PPM1H: variants seen among roughly 807,000 people sequenced by gnomAD.
PPM1H encodes the protein protein phosphatase 1H.
Under a neutral mutation model 54.9 loss-of-function variants are expected in PPM1H, and 27 were observed. The ratio of observed to expected loss-of-function variants is 0.49; its 90% CI spans 0.36 to 0.68. The LOEUF is 0.68. Among genes scored for constraint, PPM1H ranks in the 30% least tolerant of loss-of-function variants. PPM1H has a pLI of 0.00. For synonymous variants in PPM1H, 305 were observed against 270.8 expected (o/e 1.13, Z -1.24); for missense variants, 596 against 667.8 (o/e 0.89, Z 1.19).
chr12:62,865,592 G>T (rs1032233684), intron 1 of PPM1H, among the ~76,000 whole-genome samples: 5 of 152,098 alleles, frequency 3.3e-5, no homozygotes, highest in African/African-American at 9.7e-5. Flanking sequence ...CGTCTCCCGG[G>T]CTCAAGCTAT....
chr12:62,817,060 G>A (rs79867674), intron 2 of PPM1H, among the ~76,000 whole-genome samples: 7,094 of 133,534 alleles, frequency 0.053, 625 homozygotes, highest in African/African-American at 0.19. Flanking sequence ...TTAATCACTG[G>A]CAAGAGTTCT....
chr12:62,820,042 G>C (rs1017610798), intron 2 of PPM1H, among the ~76,000 whole-genome samples: 1 of 152,238 alleles, frequency 6.6e-6, no homozygotes, highest in Non-Finnish European at 1.5e-5. Flanking sequence ...ATGGCAGATT[G>C]TACCTGGAAA....
At chr12:62,926,212 G>A (rs1320475312) in intron 1 of PPM1H, among the ~76,000 whole-genome samples, 1 of 152,216 alleles carries the variant, frequency 6.6e-6, no homozygotes, top group Non-Finnish European at 1.5e-5. Context: ...AAGACTGAAA[G>A]AATGGCCACT....
intron 4 of PPM1H, among the ~76,000 whole-genome samples, chr12:62,748,313 C>T (rs1483851055): frequency 1.3e-5 from 2 of 152,094 alleles, no homozygotes; most frequent in African/African-American, 2.4e-5. Context: ...ATCTGAAGTC[C>T]AATTCCAAAC....
At chr12:62,799,273 A>G (rs1217594519) in intron 3 of PPM1H, among the ~76,000 whole-genome samples, 1 of 152,216 alleles carries the variant, frequency 6.6e-6, no homozygotes, top group African/African-American at 2.4e-5. Context: ...AATGGGCAGG[A>G]ACAGCCTGAG....
At chr12:62,916,698 T>G (rs1871635052) in intron 1 of PPM1H, among the ~76,000 whole-genome samples, 1 of 152,126 alleles carries the variant, frequency 6.6e-6, no homozygotes, top group Admixed American at 6.5e-5. Context: ...AGAAGAACTC[T>G]ACTATAGAAA....
chr12:62,667,775 C>T (rs2075928302), intron 8 of PPM1H, among the ~76,000 whole-genome samples: 1 of 152,210 alleles, frequency 6.6e-6, no homozygotes, highest in East Asian at 1.9e-4. Context: ...GATTTTTCTG[C>T]TTCAGAGGAG....
intron 9 of PPM1H, chr12:62,659,096 A>C: frequency 6.8e-6 from 5 of 731,088 alleles, no homozygotes; most frequent in South Asian, 5.4e-5. Flanking sequence ...CATGCAACAA[A>C]TCTTACTGTG....
intron 9 of PPM1H, among the ~76,000 whole-genome samples, chr12:62,656,970 C>T (rs975917643): frequency 2.6e-5 from 4 of 152,084 alleles, no homozygotes; most frequent in Non-Finnish European, 1.5e-5. Context: ...TCCACAGATG[C>T]CCCTTGTGTA....
At chr12:62,758,305 C>A (rs889348759) in intron 4 of PPM1H, among the ~76,000 whole-genome samples, 10 of 152,148 alleles carry the variant, frequency 6.6e-5, no homozygotes, top group African/African-American at 2.4e-4. Context: ...GGTCTGGTGG[C>A]CTCAAAGTTC....
chr12:62,842,642 A>C (rs1337717910), intron 1 of PPM1H, among the ~76,000 whole-genome samples: 1 of 152,246 alleles, frequency 6.6e-6, no homozygotes, highest in African/African-American at 2.4e-5. Flanking sequence ...CAAGAGGAAT[A>C]AAGTTATACA....
At chr12:62,859,538 A>G (rs150904723) in intron 1 of PPM1H, among the ~76,000 whole-genome samples, 1 of 152,318 alleles carries the variant, frequency 6.6e-6, no homozygotes, top group African/African-American at 2.4e-5. Flanking sequence ...GCAGCTAGTA[A>G]TCTAAGCTCT....
chr12:62,728,660 T>G (rs2076303209), intron 5 of PPM1H, among the ~76,000 whole-genome samples: 1 of 152,128 alleles, frequency 6.6e-6, no homozygotes, highest in African/African-American at 2.4e-5. Context: ...CACCCAAGGC[T>G]GTCTCACTCT....
chr12:62,826,121 A>C (rs1336260875), intron 2 of PPM1H, among the ~76,000 whole-genome samples: 1 of 152,202 alleles, frequency 6.6e-6, no homozygotes, highest in Non-Finnish European at 1.5e-5. Flanking sequence ...AGTTGTCTTT[A>C]AATCTTAACA....
chr12:62,789,203 C>T (rs1389524666), intron 3 of PPM1H, among the ~76,000 whole-genome samples: 1 of 151,682 alleles, frequency 6.6e-6, no homozygotes, highest in African/African-American at 2.4e-5. Flanking sequence ...TTTGTGGGGA[C>T]AGGGTCTCAC....
intron 8 of PPM1H, among the ~76,000 whole-genome samples, chr12:62,687,529 G>A (rs970075759): frequency 6.6e-5 from 10 of 151,020 alleles, no homozygotes; most frequent in Non-Finnish European, 1.5e-5. Flanking sequence ...GGGATTACAG[G>A]TATGAGCCAC....
intron 1 of PPM1H, among the ~76,000 whole-genome samples, chr12:62,913,883 A>G (rs913704323): frequency 2.0e-5 from 3 of 152,128 alleles, no homozygotes; most frequent in Non-Finnish European, 4.4e-5. Context: ...TATTTTTAGT[A>G]GAGATGGGAT....
At chr12:62,929,938 C>T (rs1422305703) in intron 1 of PPM1H, among the ~76,000 whole-genome samples, 1 of 152,006 alleles carries the variant, frequency 6.6e-6, no homozygotes, top group Admixed American at 6.6e-5. Context: ...AAAAGTCAAA[C>T]AGGAAGTTTC....
At chr12:62,790,974 G>C (rs1000640484) in intron 3 of PPM1H, among the ~76,000 whole-genome samples, 4 of 152,228 alleles carry the variant, frequency 2.6e-5, no homozygotes, top group African/African-American at 4.8e-5. Context: ...TCAACATTGA[G>C]AGCGGTGGCC....
Sources: allele counts gnomAD v4.1 joint callset (sites outside exome capture counted in the v4.1 genomes callset), GRCh38; gene constraint gnomAD v4.1.1; transcripts MANE v1.5; gene names NCBI Gene and HGNC (gene_info 2026-07-23, HGNC 2026-07-21).